Variants in ISX observed in about 807,000 individuals in gnomAD.
ISX encodes the protein intestine-specific homeobox.
Under a neutral mutation model 16.9 loss-of-function variants are expected in ISX, and 15 were observed. The ratio of observed to expected loss-of-function variants is 0.89; its 90% CI spans 0.59 to 1.36. ISX has a LOEUF of 1.36. Ranked by LOEUF, ISX falls within the 40% of genes most tolerant of loss-of-function variation. The probability of loss-of-function intolerance (pLI) is 0.00; values close to 1 mark genes in which losing one functional copy is unlikely to be tolerated. For synonymous variants in ISX, 125 were observed against 119.7 expected, an observed-to-expected ratio of 1.04 and a Z score of -0.29; for missense variants, 316 against 306.1, an observed-to-expected ratio of 1.03 and a Z score of -0.24.
At chr22:35,069,598 G>A (rs1307145745) in intron 2 of ISX, among the ~76,000 whole-genome samples, 1 of 152,172 alleles carries the variant, frequency 6.6e-6, no homozygotes, top group African/African-American at 2.4e-5. Context: ...TCTCCCTGGG[G>A]AAAGGATGGT....
Position 35,085,908 on chromosome 22 carries a change from C to G in ISX, c.*215C>G. On this transcript the variant is annotated 3_prime_UTR_variant, in exon 5 of 5. Coordinates refer to ENST00000404699, the MANE Select transcript of ISX (RefSeq NM_001303508.2). ...CTCTCTTCTCTCCTGGCTAAAGCTG[C>G]TCTCCTGGTTCAGAAGACAGGCTGG... 1 of 600,768 alleles carries G rather than the reference C, an allele frequency of 1.7e-6. No homozygotes were observed. Among genetic ancestry groups the G allele is most frequent in the South Asian group, 2.0e-5 (1 of 50,176 alleles). 37.2% of individuals were successfully genotyped at this position (600,768 alleles called of 1,614,324 possible).
chr22:35,077,498 G>T (rs376402986), intron 2 of ISX, among the ~76,000 whole-genome samples: 1 of 151,950 alleles, frequency 6.6e-6, no homozygotes, highest in East Asian at 1.9e-4. Flanking sequence ...TCCCAACACT[G>T]CTCTTGGCCT....
rs1929253494 is a variant in ISX at position 35,086,250 on chromosome 22, G to A, written c.*557G>A. 6.2e-6 allele frequency: 1 copy of A among 160,708 alleles called. No individual in the cohort carries two copies. Among genetic ancestry groups the A allele is most frequent in the South Asian group, 1.7e-4 (1 of 5,724 alleles). The allele number at this position is 160,708 out of a possible 1,614,324, so 10.0% of individuals were successfully genotyped here. ...CCACGTTTGTCAAAAGGTGGTGCTG[G>A]CCCACCTCTGAAAGCAGAACACTTG... On this transcript the variant is annotated 3_prime_UTR_variant, in exon 5 of 5. Coordinates refer to ENST00000404699, the MANE Select transcript of ISX (RefSeq NM_001303508.2).
chr22:35,070,025 A>C (rs150475194), intron 2 of ISX, among the ~76,000 whole-genome samples: 2 of 152,192 alleles, frequency 1.3e-5, no homozygotes, highest in Non-Finnish European at 2.9e-5. Context: ...GGCCCAAGGA[A>C]GTGGTCCTTA....
In ISX at chr22:35,067,253, G is replaced by A. The variant is rs971426040; in HGVS notation, c.166G>A (p.Gly56Ser). The A allele has an allele frequency of 2.5e-6, 4 of 1,605,950 alleles. No homozygotes were observed. The African/African-American group carries it at 5.3e-5, about 21-fold the overall frequency. The change falls in exon 2 of 5, where the codon GGC becomes AGC. Residue 56 changes from glycine (G) to serine (S), a missense_variant. By Grantham distance (56) the Gly-to-Ser change is moderately conservative. Coordinates refer to ENST00000404699, the MANE Select transcript of ISX (RefSeq NM_001303508.2). ...CAGACCAGAAGGGCCAGGTGAAGAG[G>A]GCCCCGGAGAAGCTGCGGCCTCAGG... ...MDRPEGPGEE[G>S]PGEAAASGSG...
intron 2 of ISX, among the ~76,000 whole-genome samples, chr22:35,079,960 T>C (rs965774252): frequency 2.6e-5 from 4 of 152,222 alleles, no homozygotes; most frequent in Admixed American, 2.0e-4. Context: ...GCAATGCTGG[T>C]TGAGTCTCCC....
chr22:35,080,806 G>C (rs763647106), intron 2 of ISX, among the ~76,000 whole-genome samples: 10 of 152,184 alleles, frequency 6.6e-5, no homozygotes, highest in Non-Finnish European at 1.5e-4. Context: ...TTTTCAAAAG[G>C]AGGGCAGGGC....
rs142861798 is a variant in ISX, at chr22:35,081,734, C to T, written c.230-784C>T. 2.9e-3 allele frequency among the ~76,000 whole-genome samples: 440 copies of T among 152,252 alleles called. 2 individuals carry two copies. Among genetic ancestry groups the T allele is most frequent in the African/African-American group, 1.0e-2 (414 of 41,546 alleles). On this transcript the variant is annotated intron_variant, in intron 2 of 4. Transcript: ENST00000404699. ...CTCAGGGTGGGTCCCCAGGTCCCTG[C>T]GAGACCTAATCTCACCCTGTGAGTA...
Position 35,082,545 on chromosome 22 carries a change from G to A in ISX, c.257G>A (p.Arg86His), listed in dbSNP as rs202000999. Residue 86 changes from arginine to histidine, a missense_variant, in exon 3 of 5, where the codon CGT becomes CAT. Arg to His is a conservative substitution (Grantham distance 29). Transcript: ENST00000404699. ...GGAAGGAAGAGCAAGCGGAGGGTTCGTACCACCTTCACCACTGAGCAGCTG... is the reference window on the plus strand; with the variant it reads ...GGAAGGAAGAGCAAGCGGAGGGTTCATACCACCTTCACCACTGAGCAGCTG... ...QEGRKSKRRV[R>H]TTFTTEQLHE... The A allele has an allele frequency of 3.0e-4, 491 of 1,614,116 alleles. 4 individuals carry two copies. The Admixed American group carries it at 5.2e-3, about 17-fold the overall frequency.
rs776427823 is a variant in ISX, at chr22:35,084,483, C to A, written c.482C>A (p.Thr161Lys). 1 of 1,611,360 alleles carries A rather than the reference C, an allele frequency of 6.2e-7. No homozygotes were observed. The highest frequency in any genetic ancestry group is 2.2e-5 in the East Asian group (1 of 44,770). The change falls in exon 4 of 5, where the codon ACA (threonine) becomes AAA (lysine). Residue 161 changes from threonine to lysine, a missense_variant. Thr to Lys is a moderately conservative substitution (Grantham distance 78, BLOSUM62 -1). Transcript: ENST00000404699. ...AGTGAAGCCAGTGTGGCCCTGCCCA[C>A]AAATCTGGATGTGGCTGTAAGTGGC... ...QLSEASVALP[T>K]NLDVAGPTWT...
chr22:35,086,087 T>C lies in ISX; in HGVS notation c.*394T>C. ...GGATAAGATGATTTCTGAAGACGCT[T>C]CCATGGTGGGCACTGAGGCACAGAG... On this transcript the variant is annotated 3_prime_UTR_variant, in exon 5 of 5. Transcript: ENST00000404699. The C allele has an allele frequency of 3.3e-6, 1 of 300,672 alleles. No individual in the cohort carries two copies. Among genetic ancestry groups the C allele is most frequent in the Non-Finnish European group, 6.4e-6 (1 of 155,684 alleles). 18.6% of individuals were successfully genotyped at this position (300,672 alleles called of 1,614,324 possible). A position where few individuals can be genotyped will look rare whatever the true frequency, so the allele number is the denominator to read the frequency against.
At chr22:35,083,151 G>A (rs527566981) in intron 3 of ISX, among the ~76,000 whole-genome samples, 165 of 152,310 alleles carry the variant, frequency 1.1e-3, no homozygotes, top group Admixed American at 1.8e-3. Context: ...TTATGAACAT[G>A]AAATTTGAAT....
Position 35,085,548 on chromosome 22 carries a change from C to G in ISX, c.593C>G (p.Pro198Arg). ...AQDQLASAWFPAWITLLPAHP... is the reference protein window; with the variant it reads ...AQDQLASAWFRAWITLLPAHP... ...GATCAGCTGGCCTCTGCCTGGTTCC[C>G]TGCCTGGATCACCCTCCTCCCAGCG... is the stretch of plus-strand genomic sequence containing the variant. Residue 198 changes from proline to arginine, a missense_variant, in exon 5 of 5, where the codon CCT (proline) becomes CGT (arginine). Transcript: ENST00000404699. 6.2e-7 allele frequency: 1 copy of G among 1,614,230 alleles called. No homozygotes were observed. Among genetic ancestry groups the G allele is most frequent in the Non-Finnish European group, 8.5e-7 (1 of 1,180,040 alleles).
intron 2 of ISX, among the ~76,000 whole-genome samples, chr22:35,080,759 C>T (rs546256026): frequency 6.1e-4 from 93 of 152,312 alleles, no homozygotes; most frequent in African/African-American, 2.2e-3. Flanking sequence ...GAACCAGTTC[C>T]CACTACAACT....
intron 2 of ISX, among the ~76,000 whole-genome samples, chr22:35,072,343 G>A (rs1446822316): frequency 6.6e-6 from 1 of 152,240 alleles, no homozygotes; most frequent in Non-Finnish European, 1.5e-5. Context: ...AGCACAAGTA[G>A]TTGATATGGG....
chr22:35,085,444 C>T lies in ISX; in HGVS notation c.499-10C>T. The T allele has an allele frequency of 6.2e-7, 1 of 1,614,208 alleles. No homozygotes were observed. ...ACTCACTTCTCTCTCCTGACCTCTC[C>T]TTGTGACAGGGGCCCACGTGGACAT... On this transcript the variant is annotated splice_polypyrimidine_tract_variant and intron_variant, in intron 4 of 4. Transcript: ENST00000404699.
chr22:35,086,143 T>C lies in ISX; in HGVS notation c.*450T>C, dbSNP rs1929250749. 4.0e-6 allele frequency: 1 copy of C among 250,878 alleles called. No individual in the cohort carries two copies. 15.5% of individuals were successfully genotyped at this position (250,878 alleles called of 1,614,324 possible). A position where few individuals can be genotyped will look rare whatever the true frequency, so the allele number is the denominator to read the frequency against. On this transcript the variant is annotated 3_prime_UTR_variant, in exon 5 of 5. Coordinates refer to ENST00000404699, the MANE Select transcript of ISX (RefSeq NM_001303508.2). ...CAAGGAGAGGTTGTTTGTTCATGCA[T>C]GCATTCATCCGTGACACATGAGTAC...
intron 2 of ISX, among the ~76,000 whole-genome samples, chr22:35,070,280 T>G (rs1928815670): frequency 6.6e-6 from 1 of 152,244 alleles, no homozygotes; most frequent in African/African-American, 2.4e-5. Flanking sequence ...AGAGGACTTC[T>G]TTATCTGAAA....
rs769385966 is a variant in ISX, at chr22:35,067,316, G to T, written c.229G>T (p.Glu77Ter). Residue 77 changes from glutamate to a stop codon, truncating the protein, a stop_gained and splice_region_variant, in exon 2 of 5, where the codon GAA (glutamate) becomes TAA (stop). Coordinates refer to ENST00000404699, the MANE Select transcript of ISX (RefSeq NM_001303508.2). LOFTEE classifies it high-confidence loss of function. ...AAAGCCTCCAAAGGACCAGCCCCAGGGTAAGTGTCTTCTGATCATTTCTTT... is the reference window on the plus strand; with the variant it reads ...AAAGCCTCCAAAGGACCAGCCCCAGTGTAAGTGTCTTCTGATCATTTCTTT... ...LEKPPKDQPQ[E>*]GRKSKRRVRT... is the part of the protein sequence containing the mutation. 1.5e-5 allele frequency: 23 copies of T among 1,555,990 alleles called. No individual in the cohort carries two copies. In the East Asian group the frequency reaches 4.8e-4, roughly 32 times the overall value.
Sources: allele counts gnomAD v4.1 joint callset (sites outside exome capture counted in the v4.1 genomes callset), GRCh38; gene constraint gnomAD v4.1.1; transcripts MANE v1.5; gene names NCBI Gene and HGNC (gene_info 2026-07-23, HGNC 2026-07-21).